Variants in IFRD1 observed in about 807,000 individuals in gnomAD.
IFRD1 encodes interferon related developmental regulator 1.
IFRD1 carries 35 observed loss-of-function variants against 52.9 expected under a neutral mutation model. That is an observed-to-expected ratio of 0.66 (90% CI 0.51 to 0.88). The LOEUF (loss-of-function observed/expected upper bound fraction) is 0.88, where lower values mean the gene tolerates loss of function less well. Ranked by LOEUF, IFRD1 falls within the 40% of genes least tolerant of loss-of-function variation. IFRD1 has a pLI of 0.00. For missense variants in IFRD1, 517 were observed against 550.8 expected, an observed-to-expected ratio of 0.94 and a Z score of 0.61; for synonymous variants, 184 against 188.4, an observed-to-expected ratio of 0.98 and a Z score of 0.19.
At chr7:112,438,320 A>T (rs1413770429) in intron 1 of IFRD1, among the ~76,000 whole-genome samples, 2 of 152,242 alleles carry the variant, frequency 1.3e-5, no homozygotes, top group African/African-American at 2.4e-5. Context: ...TACCTCATTT[A>T]AAAGCAAACG....
chr7:112,476,509 A>G lies in IFRD1; in HGVS notation c.*990A>G, dbSNP rs1290918855. The stretch of plus-strand genomic sequence containing the variant: ...CCTGTCTCTACCAGAAATTTAAAAA[A>G]TGAGTGTGGTGGTGTGTGCTTCTAC... On this transcript the variant is annotated 3_prime_UTR_variant, in exon 12 of 12. Coordinates refer to ENST00000403825, the MANE Select transcript of IFRD1 (RefSeq NM_001550.4). The G allele has an allele frequency of 6.6e-6, 1 of 152,116 alleles. No homozygotes were observed. Among genetic ancestry groups the G allele is most frequent in the South Asian group, 2.1e-4 (1 of 4,824 alleles). 9.4% of individuals were successfully genotyped at this position (152,116 alleles called of 1,614,324 possible). A position where few individuals can be genotyped will look rare whatever the true frequency, so the allele number is the denominator to read the frequency against.
chr7:112,455,750 T>G lies in IFRD1; in HGVS notation c.95-13T>G. On this transcript the variant is annotated splice_polypyrimidine_tract_variant and intron_variant, in intron 1 of 11. Transcript: ENST00000403825. ...AATAAAATAATTTACCTCTTTCCTC[T>G]TTTACCTAATAGGTGGCCAGCATCG... 1 of 1,567,240 alleles carries G rather than the reference T, an allele frequency of 6.4e-7. No individual in the cohort carries two copies. The highest frequency in any genetic ancestry group is 1.3e-5 in the African/African-American group (1 of 74,132).
intron 4 of IFRD1, 96 bp from the exon 5 acceptor site, chr7:112,458,765 T>C: frequency 8.7e-7 from 1 of 1,148,602 alleles, no homozygotes; most frequent in South Asian, 1.3e-5. Context: ...AAATGGTAAA[T>C]GCTATTTTGT....
intron 1 of IFRD1, among the ~76,000 whole-genome samples, chr7:112,432,455 T>G (rs938545675): frequency 6.6e-6 from 1 of 152,242 alleles, no homozygotes; most frequent in African/African-American, 2.4e-5. Flanking sequence ...GATTTGAATC[T>G]GATTCCAAAA....
chr7:112,463,165 G>A (rs898581521), intron 8 of IFRD1, among the ~76,000 whole-genome samples: 2 of 152,108 alleles, frequency 1.3e-5, no homozygotes, highest in Non-Finnish European at 1.5e-5. Flanking sequence ...TTAGAAATGA[G>A]GAGCAGGTTT....
At chr7:112,451,061 GGGAGCTGGGC>G in intron 1 of IFRD1, 4 of 448,434 alleles carry the variant, frequency 8.9e-6, no homozygotes, top group South Asian at 5.4e-5. Flanking sequence ...GGGGCTGACC[GGGAGCTGGGC>G]GGGAAAGGAA....
intron 1 of IFRD1, among the ~76,000 whole-genome samples, chr7:112,439,068 G>A (rs1007912952): frequency 1.3e-5 from 2 of 152,150 alleles, no homozygotes; most frequent in Non-Finnish European, 1.5e-5. Context: ...AGCCAAAGAT[G>A]GGTAAAGAAC....
chr7:112,445,721 A>G (rs978197698), upstream of IFRD1, among the ~76,000 whole-genome samples: 1 of 152,208 alleles, frequency 6.6e-6, no homozygotes, highest in African/African-American at 2.4e-5. Flanking sequence ...GAGATTGGTG[A>G]CTGGATTCCA....
chr7:112,464,727 A>G (rs6944024), intron 8 of IFRD1, among the ~76,000 whole-genome samples: 57,496 of 151,992 alleles, frequency 0.38, 11,655 homozygotes, highest in Non-Finnish European at 0.46. Context: ...AGATCTTGGG[A>G]GCCATTGCTG....
chr7:112,423,294 G>T (rs543449928), exon 1 of IFRD1: 2 of 152,322 alleles, frequency 1.3e-5, no homozygotes, highest in South Asian at 4.1e-4. Flanking sequence ...GAACTGGTCA[G>T]GCTTTGGGCT....
intron 9 of IFRD1, 128 bp from the exon 10 acceptor site, chr7:112,472,091 C>A: frequency 1.1e-6 from 1 of 916,416 alleles, no homozygotes; most frequent in Non-Finnish European, 1.8e-6. Flanking sequence ...TCAGGTATGG[C>A]AGTATCAGTT....
chr7:112,433,510 G>T (rs1479649286), intron 1 of IFRD1, among the ~76,000 whole-genome samples: 1 of 152,180 alleles, frequency 6.6e-6, no homozygotes, highest in Non-Finnish European at 1.5e-5. Context: ...GCAATTTGGG[G>T]AGGTTCAGAA....
At chr7:112,430,915 G>T (rs1237188996) in intron 1 of IFRD1, among the ~76,000 whole-genome samples, 1 of 152,164 alleles carries the variant, frequency 6.6e-6, no homozygotes, top group African/African-American at 2.4e-5. Context: ...CCAGCTAATT[G>T]ATACAGAAGC....
chr7:112,475,268 CTT>C (rs1030756866), intron 11 of IFRD1, among the ~76,000 whole-genome samples, 160 bp from the exon 12 acceptor site: 5 of 152,054 alleles, frequency 3.3e-5, no homozygotes, highest in African/African-American at 1.2e-4. Context: ...CCTGTTAACT[CTT>C]TGTTTTTCTC....
chr7:112,444,808 G>A (rs1794978900), intron 1 of IFRD1, among the ~76,000 whole-genome samples: 1 of 152,148 alleles, frequency 6.6e-6, no homozygotes, highest in African/African-American at 2.4e-5. Context: ...AGGCGGGAGG[G>A]ATGGAGGGGG....
upstream of IFRD1, among the ~76,000 whole-genome samples, chr7:112,449,838 G>C (rs1584483161): frequency 3.0e-5 from 3 of 100,316 alleles, no homozygotes; most frequent in South Asian, 1.0e-3. Flanking sequence ...GGGGGGGGGG[G>C]GGATGGGGGG....
chr7:112,430,162 A>G (rs1041257254), intron 1 of IFRD1, among the ~76,000 whole-genome samples: 3 of 152,234 alleles, frequency 2.0e-5, no homozygotes, highest in African/African-American at 7.2e-5. Context: ...CAAGGAAAGC[A>G]AAAAATTGTA....
At chr7:112,456,821 A>T in intron 3 of IFRD1, 93 bp from the exon 4 acceptor site, 1 of 1,176,894 alleles carries the variant, frequency 8.5e-7, no homozygotes, top group South Asian at 1.3e-5. Flanking sequence ...AAATCTATAC[A>T]TAGGTAAAGT....
intron 2 of IFRD1, 54 bp downstream of exon 2, chr7:112,455,921 G>T (rs1171688308): frequency 1.4e-6 from 2 of 1,466,926 alleles, no homozygotes; most frequent in Non-Finnish European, 1.9e-6. Flanking sequence ...TCAGGTGGAG[G>T]AATTCTTGTA....
Sources: allele counts gnomAD v4.1 joint callset (sites outside exome capture counted in the v4.1 genomes callset), GRCh38; gene constraint gnomAD v4.1.1; transcripts MANE v1.5; gene names NCBI Gene and HGNC (gene_info 2026-07-23, HGNC 2026-07-21).